Variants in CNTNAP2 observed in about 807,000 individuals in gnomAD.
CNTNAP2 encodes the protein contactin-associated protein-like 2.
In CNTNAP2, 98 loss-of-function variants were observed where a neutral mutation model predicts 155.2. The ratio of observed to expected loss-of-function variants is 0.63; its 90% confidence interval spans 0.54 to 0.75. The LOEUF is 0.75. Ranked by LOEUF, CNTNAP2 falls within the 30% of genes least tolerant of loss-of-function variation. CNTNAP2 has a pLI of 0.00. For synonymous variants in CNTNAP2, 651 were observed against 631.2 expected (o/e 1.03, Z -0.47); for missense variants, 1,727 against 1,688.1 (o/e 1.02, Z -0.40).
rs10557373 is a variant in CNTNAP2, at chr7:147,365,383, GAAAAAAAAAAA to G, written c.1499-30211_1499-30201del. 4.8e-3 allele frequency among the ~76,000 whole-genome samples: 450 copies of G among 93,666 alleles called. 3 individuals are homozygous for G. The highest frequency in any genetic ancestry group is 0.018 in the African/African-American group (418 of 23,160). The allele number at this position is 93,666 out of a possible 152,430, so 61.4% of individuals were successfully genotyped here. A position where few individuals can be genotyped will look rare whatever the true frequency, so the allele number is the denominator to read the frequency against. ...GAGGAGAGACACTCTATCTCAAAAA[GAAAAAAAAAAA>G]AAAAAAAAAAAAAACAAAGAAACTT... On this transcript the variant is annotated intron_variant, in intron 9 of 23. Coordinates refer to ENST00000361727, the MANE Select transcript of CNTNAP2 (RefSeq NM_014141.6).
At chr7:146,720,061 C>T (rs1383231151) in intron 1 of CNTNAP2, among the ~76,000 whole-genome samples, 1 of 152,086 alleles carries the variant, frequency 6.6e-6, no homozygotes, top group Non-Finnish European at 1.5e-5. Flanking sequence ...GTTTTCACCA[C>T]TAATTTGCTT....
At chr7:148,341,172 C>T (rs184151293) in intron 21 of CNTNAP2, among the ~76,000 whole-genome samples, 25 of 152,298 alleles carry the variant, frequency 1.6e-4, no homozygotes, top group African/African-American at 3.8e-4. Flanking sequence ...ACGTTCTTTC[C>T]GCTTCTACTG....
intron 1 of CNTNAP2, among the ~76,000 whole-genome samples, chr7:146,527,416 A>G (rs1413589783): frequency 1.3e-5 from 2 of 152,142 alleles, no homozygotes; most frequent in Non-Finnish European, 2.9e-5. Context: ...ATGCAAAGGA[A>G]AGCAAGATAG....
Position 147,516,852 on chromosome 7 carries a change from T to C in CNTNAP2, c.1777+30811T>C, listed in dbSNP as rs531359416. On this transcript the variant is annotated intron_variant, in intron 11 of 23. Transcript: ENST00000361727. Reference sequence around the variant, plus strand: ...TGTAATTAATTTCTTTCTTTTCTTTTTTTTTTTTTTTTTTGCGTGTGTGTG... The same window carrying C: ...TGTAATTAATTTCTTTCTTTTCTTTCTTTTTTTTTTTTTTGCGTGTGTGTG... 4.4e-3 allele frequency among the ~76,000 whole-genome samples: 645 copies of C among 145,712 alleles called. 5 individuals are homozygous for C. The highest frequency in any genetic ancestry group is 0.012 in the South Asian group (55 of 4,490).
chr7:146,736,476 A>C (rs1308793224), intron 1 of CNTNAP2, among the ~76,000 whole-genome samples: 3 of 152,178 alleles, frequency 2.0e-5, no homozygotes, highest in African/African-American at 7.2e-5. Context: ...TTTTACCTGA[A>C]CATTGAAAAC....
chr7:147,502,429 T>TA (rs71697257), intron 11 of CNTNAP2, among the ~76,000 whole-genome samples: 4 of 150,816 alleles, frequency 2.7e-5, no homozygotes, highest in South Asian at 2.1e-4. Flanking sequence ...ATAGGGAACC[T>TA]AAAAAAAAAT....
At position 148,030,669 on chromosome 7, in the gene CNTNAP2, C is replaced by CTTT. The variant is rs34338936; in HGVS notation, c.2383+52695_2383+52697dup. Among the ~76,000 whole-genome samples the CTTT allele has an allele frequency of 1.6e-3, 202 of 129,530 alleles. 2 individuals are homozygous for CTTT. Among genetic ancestry groups the CTTT allele is most frequent in the African/African-American group, 5.1e-3 (174 of 34,254 alleles). 85.0% of individuals were successfully genotyped at this position (129,530 alleles called of 152,430 possible). ...TGGTAGTAATTTTCTTTATCCAGCTCTTTTTTTTTTTTTTTTTGGCAGGTG... is the reference window on the plus strand; with the variant it reads ...TGGTAGTAATTTTCTTTATCCAGCTCTTTTTTTTTTTTTTTTTTTTGGCAGGTG... On this transcript the variant is annotated intron_variant, in intron 15 of 23. Coordinates refer to ENST00000361727, the MANE Select transcript of CNTNAP2 (RefSeq NM_014141.6).
intron 1 of CNTNAP2, among the ~76,000 whole-genome samples, chr7:146,199,815 C>T (rs1798831209): frequency 6.6e-6 from 1 of 152,158 alleles, no homozygotes; most frequent in African/African-American, 2.4e-5. Context: ...ATAAAAATTA[C>T]ACACAACTTC....
chr7:147,162,363 TTAAA>T (rs1307038087), intron 8 of CNTNAP2, among the ~76,000 whole-genome samples: 5 of 151,984 alleles, frequency 3.3e-5, no homozygotes, highest in East Asian at 1.9e-4. Context: ...CAGTACAAAA[TTAAA>T]AAAAGACTGT....
chr7:146,328,617 A>T (rs541764222), intron 1 of CNTNAP2, among the ~76,000 whole-genome samples: 1 of 152,156 alleles, frequency 6.6e-6, no homozygotes, highest in African/African-American at 2.4e-5. Context: ...TAGTCACTAC[A>T]TTGTATATAG....
intron 1 of CNTNAP2, among the ~76,000 whole-genome samples, chr7:146,459,326 C>T (rs1465023210): frequency 1.3e-5 from 2 of 152,172 alleles, no homozygotes; most frequent in African/African-American, 4.8e-5. Flanking sequence ...TTTCCACATG[C>T]TGTTAGCACC....
intron 9 of CNTNAP2, among the ~76,000 whole-genome samples, chr7:147,313,600 C>G (rs547039211): frequency 7.0e-4 from 105 of 150,688 alleles, no homozygotes; most frequent in African/African-American, 2.4e-3. Context: ...TCTGAGGGCT[C>G]TGTTCTGTTC....
chr7:147,433,563 TGAG>T (rs2116533397), intron 10 of CNTNAP2, among the ~76,000 whole-genome samples: 1 of 152,356 alleles, frequency 6.6e-6, no homozygotes, highest in South Asian at 2.1e-4. Flanking sequence ...TGTTGATGAC[TGAG>T]GAGGACAAGT....
chr7:146,774,296 T>A lies in CNTNAP2; in HGVS notation c.123T>A (p.Ser41=). The change falls in exon 2 of 24, where the codon TCT becomes TCA. Residue 41 remains serine, a synonymous_variant. Transcript: ENST00000361727. The stretch of plus-strand genomic sequence containing the variant: ...AAAAATGTGATGAGCCACTTGTCTC[T>A]GGACTCCCCCATGTGGCTTTCAGCA... ...TSQKCDEPLV[S]GLPHVAFSSS... is the part of the protein sequence containing the mutation. The A allele has an allele frequency of 6.2e-7, 1 of 1,613,990 alleles. No individual in the cohort carries two copies. The highest frequency in any genetic ancestry group is 1.1e-5 in the South Asian group (1 of 91,066).
At chr7:146,224,955 T>G (rs1799268744) in intron 1 of CNTNAP2, among the ~76,000 whole-genome samples, 1 of 152,138 alleles carries the variant, frequency 6.6e-6, no homozygotes, top group Non-Finnish European at 1.5e-5. Flanking sequence ...GTATTAGGGA[T>G]TGATCACTCA....
intron 8 of CNTNAP2, among the ~76,000 whole-genome samples, chr7:147,286,717 A>G (rs1368512509): frequency 6.6e-6 from 1 of 152,076 alleles, no homozygotes; most frequent in East Asian, 1.9e-4. Flanking sequence ...TTCTCAATAT[A>G]CACCACTATT....
intron 4 of CNTNAP2, among the ~76,000 whole-genome samples, chr7:147,100,376 A>G (rs1004406350): frequency 1.3e-5 from 2 of 152,248 alleles, no homozygotes; most frequent in Non-Finnish European, 2.9e-5. Context: ...GTAGGAGTCA[A>G]TTGATCTTGC....
At position 148,292,706 on chromosome 7, in the gene CNTNAP2, T is replaced by C. The variant is rs149348876; in HGVS notation, c.3475+25580T>C. The stretch of plus-strand genomic sequence containing the variant: ...GATTCGGTCTCACCTAAAGGAGAGA[T>C]GGCTCGTGAACCCAAGGATGCTGCA... On this transcript the variant is annotated intron_variant, in intron 21 of 23. Transcript: ENST00000361727. Among the ~76,000 whole-genome samples, 655 of 152,286 alleles carry C rather than the reference T, an allele frequency of 4.3e-3. 8 individuals are homozygous for C. The highest frequency in any genetic ancestry group is 0.011 in the South Asian group (53 of 4,818).
intron 3 of CNTNAP2, among the ~76,000 whole-genome samples, chr7:146,887,134 T>C (rs541952115): frequency 6.6e-6 from 1 of 152,128 alleles, no homozygotes; most frequent in South Asian, 2.1e-4. Flanking sequence ...TCTAGATATC[T>C]ACATAGTTTT....
Sources: allele counts gnomAD v4.1 joint callset (sites outside exome capture counted in the v4.1 genomes callset), GRCh38; gene constraint gnomAD v4.1.1; transcripts MANE v1.5; gene names NCBI Gene and HGNC (gene_info 2026-07-23, HGNC 2026-07-21).